The following CCDC170 variants were observed in gnomAD, a reference collection of about 807,000 sequenced individuals.
CCDC170 encodes coiled-coil domain-containing protein 170.
In CCDC170, 69 loss-of-function variants were observed where a neutral mutation model predicts 72.6. The observed-to-expected ratio is 0.95, with a 90% CI of 0.78 to 1.16. The LOEUF is 1.16. Ranked by LOEUF, CCDC170 falls within the 50% of genes most tolerant of loss-of-function variation. The probability of loss-of-function intolerance (pLI) is 0.00; values close to 1 mark genes in which losing one functional copy is unlikely to be tolerated. For missense variants in CCDC170, 852 were observed against 832.5 expected (o/e 1.02, Z -0.29); for synonymous variants, 300 against 303.9 (o/e 0.99, Z 0.13).
At position 151,576,560 on chromosome 6, in the gene CCDC170, G is replaced by A. The variant is rs149652021; in HGVS notation, c.1092+3069G>A. ...CCAAATGATGTAAATTGGTTAAGCTGGGTATGCTTTCTCCCACTCCCCATA... is the reference window on the plus strand; with the variant it reads ...CCAAATGATGTAAATTGGTTAAGCTAGGTATGCTTTCTCCCACTCCCCATA... On this transcript the variant is annotated intron_variant, in intron 6 of 10. Coordinates refer to ENST00000239374, the MANE Select transcript of CCDC170 (RefSeq NM_025059.4). 2.3e-4 allele frequency among the ~76,000 whole-genome samples: 35 copies of A among 152,156 alleles called. 1 individual carries two copies. In the East Asian group the frequency reaches 6.2e-3, roughly 27 times the overall value.
intron 1 of CCDC170, among the ~76,000 whole-genome samples, chr6:151,529,208 G>C (rs901452695): frequency 1.3e-5 from 2 of 152,042 alleles, no homozygotes; most frequent in African/African-American, 4.8e-5. Context: ...TTTTTGTTCA[G>C]TGATGTCTTA....
chr6:151,604,619 C>T (rs777217857), intron 9 of CCDC170, among the ~76,000 whole-genome samples: 3 of 152,042 alleles, frequency 2.0e-5, no homozygotes, highest in Admixed American at 1.3e-4. Flanking sequence ...ATGTTTGAGG[C>T]GATGGATAAT....
chr6:151,572,649 G>GGTTTTTTTTTTTTTTTTTTTTTTTTT (rs1776234680), intron 5 of CCDC170, among the ~76,000 whole-genome samples: 1 of 37,988 alleles, frequency 2.6e-5, no homozygotes, highest in African/African-American at 1.2e-4. Flanking sequence ...CCTTCTCTGT[G>GGTTTTTTTTTTTTTTTTTTTTTTTTT]TTTTTTTTTT....
intron 6 of CCDC170, 150 bp from the exon 7 acceptor site, chr6:151,585,739 G>A: frequency 1.6e-6 from 1 of 617,174 alleles, no homozygotes; most frequent in Non-Finnish European, 2.7e-6. Context: ...GGCAAATACA[G>A]CTATCAATTA....
At chr6:151,517,431 C>A (rs1782251732) in intron 1 of CCDC170, among the ~76,000 whole-genome samples, 1 of 147,906 alleles carries the variant, frequency 6.8e-6, no homozygotes, top group Admixed American at 6.9e-5. Context: ...ATTTCTTCTT[C>A]TTCTTTTTTT....
At chr6:151,579,788 C>T (rs1776356103) in intron 6 of CCDC170, among the ~76,000 whole-genome samples, 1 of 152,204 alleles carries the variant, frequency 6.6e-6, no homozygotes, top group African/African-American at 2.4e-5. Flanking sequence ...AGAACCAGTA[C>T]ACTGGAGCAG....
In CCDC170 at chr6:151,519,833, A is replaced by G. The variant is rs539966262; in HGVS notation, c.58-16485A>G. Among the ~76,000 whole-genome samples the G allele has an allele frequency of 1.7e-3, 257 of 152,346 alleles. No homozygotes were observed. In the Middle Eastern group the frequency reaches 0.017, roughly 10 times the overall value. On this transcript the variant is annotated intron_variant, in intron 1 of 10. Coordinates refer to ENST00000239374, the MANE Select transcript of CCDC170 (RefSeq NM_025059.4). ...ATTTGAAAATCGTTATGCTAGTGGTAGGAGTGTCTTTTAGCATACCAATGT... is the reference window on the plus strand; with the variant it reads ...ATTTGAAAATCGTTATGCTAGTGGTGGGAGTGTCTTTTAGCATACCAATGT...
chr6:151,523,967 A>T (rs1181249655), intron 1 of CCDC170, among the ~76,000 whole-genome samples: 2 of 152,198 alleles, frequency 1.3e-5, no homozygotes, highest in Admixed American at 1.3e-4. Context: ...AAGTTTAATA[A>T]GCGAAAGGAG....
intron 7 of CCDC170, among the ~76,000 whole-genome samples, chr6:151,586,600 T>A (rs567621864): frequency 6.6e-6 from 1 of 151,640 alleles, no homozygotes; most frequent in African/African-American, 2.4e-5. Context: ...AAGTGCATAG[T>A]ATATTCAGAG....
chr6:151,529,062 T>G (rs2051790519), intron 1 of CCDC170, among the ~76,000 whole-genome samples: 2 of 152,188 alleles, frequency 1.3e-5, no homozygotes, highest in Non-Finnish European at 2.9e-5. Context: ...GTAAGTACTG[T>G]TATCAGGTGA....
At chr6:151,575,588 G>A (rs1187659684) in intron 6 of CCDC170, among the ~76,000 whole-genome samples, 1 of 120,816 alleles carries the variant, frequency 8.3e-6, no homozygotes, top group Admixed American at 1.0e-4. Context: ...AGAGTGCAGT[G>A]GTGCAAACTC....
intron 1 of CCDC170, among the ~76,000 whole-genome samples, chr6:151,504,125 A>G (rs944294740): frequency 3.3e-5 from 5 of 152,312 alleles, no homozygotes; most frequent in Admixed American, 2.0e-4. Flanking sequence ...GAGGTAAGGG[A>G]CCATAGTGTG....
chr6:151,587,718 ATAGTGCAAT>A (rs1313277628), intron 7 of CCDC170, among the ~76,000 whole-genome samples: 4 of 152,344 alleles, frequency 2.6e-5, no homozygotes, highest in Admixed American at 2.6e-4. Context: ...TAATAGTACA[ATAGTGCAAT>A]TAGTGCGCTT....
Position 151,548,471 on chromosome 6 carries a change from GAA to G in CCDC170, c.758_759del (p.Lys253ArgfsTer18). The G allele has an allele frequency of 6.3e-7, 1 of 1,576,616 alleles. No individual in the cohort carries two copies. The highest frequency in any genetic ancestry group is 8.6e-7 in the Non-Finnish European group (1 of 1,163,452). On this transcript the variant is annotated frameshift_variant, in exon 5 of 11. Coordinates refer to ENST00000239374, the MANE Select transcript of CCDC170 (RefSeq NM_025059.4). LOFTEE classifies it high-confidence loss of function. Reference sequence around the variant, plus strand: ...AAAAAGCTGCCTCCTGTACTGAAGAGAAAGAGAAGCTGAACCAGGTATGATAT... The same window carrying G: ...AAAAAGCTGCCTCCTGTACTGAAGAGAGAGAAGCTGAACCAGGTATGATAT... Reference protein sequence around the residue: ...QKKAASCTEEKEKLNQDLLSA... With the variant: ...QKKAASCTEEXEKLNQDLLSA...
At chr6:151,594,895 C>T (rs1776597543) in intron 8 of CCDC170, among the ~76,000 whole-genome samples, 1 of 152,160 alleles carries the variant, frequency 6.6e-6, no homozygotes, top group Non-Finnish European at 1.5e-5. Flanking sequence ...AGGTGATCCA[C>T]CCGCCTTGGC....
In CCDC170 at chr6:151,606,771, A is replaced by G. The variant is rs573555748; in HGVS notation, c.1711-8672A>G. On this transcript the variant is annotated intron_variant, in intron 9 of 10. Transcript: ENST00000239374. ...GGAATTTATCTCTCTTGTTATCTCTAACAATATTTGCTTTATGTATCTGGG... is the reference window on the plus strand; with the variant it reads ...GGAATTTATCTCTCTTGTTATCTCTGACAATATTTGCTTTATGTATCTGGG... Among the ~76,000 whole-genome samples the G allele has an allele frequency of 4.6e-5, 7 of 152,320 alleles. No individual in the cohort carries two copies. In the South Asian group the frequency reaches 1.2e-3, roughly 27 times the overall value.
At chr6:151,552,709 TGAA>T (rs1360877451) in intron 5 of CCDC170, among the ~76,000 whole-genome samples, 1 of 151,064 alleles carries the variant, frequency 6.6e-6, no homozygotes, top group Non-Finnish European at 1.5e-5. Context: ...GATCTCTGGC[TGAA>T]GAAGTCATCA....
intron 1 of CCDC170, among the ~76,000 whole-genome samples, chr6:151,514,899 A>G (rs1583004972): frequency 6.6e-6 from 1 of 152,312 alleles, no homozygotes; most frequent in South Asian, 2.1e-4. Context: ...ATGCCTTCAC[A>G]TTATTACATC....
At chr6:151,496,654 A>C (rs1781916536) in intron 1 of CCDC170, among the ~76,000 whole-genome samples, 1 of 152,222 alleles carries the variant, frequency 6.6e-6, no homozygotes, top group Non-Finnish European at 1.5e-5. Context: ...GACTGAAAAC[A>C]TTAAATTACA....
Sources: gnomAD v4.1 joint callset for allele counts (sites outside exome capture counted in the v4.1 genomes callset) on GRCh38, gnomAD v4.1.1 for gene constraint, MANE v1.5 for transcripts, NCBI Gene and HGNC (gene_info 2026-07-23, HGNC 2026-07-21) for gene names.